The following PODXL variants were observed in gnomAD, a reference collection of about 807,000 sequenced individuals.
The protein encoded by PODXL is podocalyxin.
PODXL carries 20 observed loss-of-function variants against 48.9 expected under a neutral mutation model. The observed-to-expected ratio is 0.41, with a 90% confidence interval of 0.29 to 0.59. PODXL has a LOEUF of 0.59. Among genes scored for constraint, PODXL ranks in the 20% least tolerant of loss-of-function variants. The probability of loss-of-function intolerance (pLI) is 0.31; values close to 1 mark genes in which losing one functional copy is unlikely to be tolerated. For missense variants in PODXL, 606 were observed against 675.1 expected (o/e 0.90, Z 1.13); for synonymous variants, 295 against 287.4 (o/e 1.03, Z -0.27).
chr7:131,504,386 C>G lies in PODXL; in HGVS notation c.1602G>C (p.Leu534=), dbSNP rs773307419. ...CCAGAGGGACGATCCAGCTGTCCCC[C>G]AGCTCCCCGTTGAGGCTGACCACCT... ...EKKVVSLNGE[L]GDSWIVPLDN... The change falls in exon 9 of 9, where the codon CTG becomes CTC. Residue 534 remains leucine, a synonymous_variant. Transcript: ENST00000378555. The G allele has an allele frequency of 6.2e-7, 1 of 1,614,224 alleles. No individual in the cohort carries two copies. Among genetic ancestry groups the G allele is most frequent in the Non-Finnish European group, 8.5e-7 (1 of 1,180,044 alleles).
In PODXL at chr7:131,506,529, C is replaced by A. The variant is rs1221424568; in HGVS notation, c.1249+50G>T. 5.0e-6 allele frequency: 8 copies of A among 1,587,896 alleles called. No individual in the cohort carries two copies. The South Asian group carries it at 8.9e-5, about 18-fold the overall frequency. On this transcript the variant is annotated intron_variant, in intron 6 of 8. Coordinates refer to ENST00000378555, the MANE Select transcript of PODXL (RefSeq NM_001018111.3). ...TCCAATGTGGCTTCTGCATGCCCCC[C>A]ATTCCCACCCATGCAGGCCCCAGCC...
intron 1 of PODXL, among the ~76,000 whole-genome samples, chr7:131,553,277 C>A (rs1426169128): frequency 6.6e-6 from 1 of 152,200 alleles, no homozygotes; most frequent in Non-Finnish European, 1.5e-5. Flanking sequence ...GAAAACCCCA[C>A]CTCCTTCAGG....
In PODXL at chr7:131,508,391, G is replaced by C. The variant is rs1468150561; in HGVS notation, c.1101+560C>G. On this transcript the variant is annotated intron_variant, in intron 5 of 8. Transcript: ENST00000378555. ...AAATGTGAAGCCACAGACGATTAAA[G>C]CAGACAGACTACACCTCTCATTTTC... Among the ~76,000 whole-genome samples the C allele has an allele frequency of 3.9e-5, 6 of 152,210 alleles. No homozygotes were observed. In the South Asian group the frequency reaches 6.2e-4, roughly 16 times the overall value.
At chr7:131,552,394 G>T (rs1392246717) in intron 1 of PODXL, among the ~76,000 whole-genome samples, 1 of 152,220 alleles carries the variant, frequency 6.6e-6, no homozygotes, top group East Asian at 1.9e-4. Context: ...CTGCAAGGGG[G>T]GGAATTCTAA....
chr7:131,518,250 C>T (rs530671050), intron 1 of PODXL, among the ~76,000 whole-genome samples: 20 of 152,262 alleles, frequency 1.3e-4, no homozygotes, highest in African/African-American at 4.6e-4. Context: ...CCTATATCCT[C>T]GTGAAAATAC....
Position 131,506,644 on chromosome 7 carries a change from C to T in PODXL, c.1184G>A (p.Cys395Tyr). Residue 395 changes from cysteine to tyrosine, a missense_variant, in exon 6 of 9, where the codon TGC (cysteine) becomes TAC (tyrosine). Physicochemically the swap from Cys to Tyr is radical, Grantham distance 194 (BLOSUM62 -2). Coordinates refer to ENST00000378555, the MANE Select transcript of PODXL (RefSeq NM_001018111.3). ...KATFNPAQDK[C>Y]GIRLASVPGS... ...TGGAACAGATGCCAGCCGTATGCCG[C>T]ACTTATCTTGGGCCGGGTTGAAGGT... The T allele has an allele frequency of 6.2e-7, 1 of 1,614,182 alleles. No homozygotes were observed. Among genetic ancestry groups the T allele is most frequent in the East Asian group, 2.2e-5 (1 of 44,870 alleles).
intron 1 of PODXL, among the ~76,000 whole-genome samples, chr7:131,531,026 C>G (rs965780121): frequency 6.6e-6 from 1 of 152,096 alleles, no homozygotes; most frequent in Non-Finnish European, 1.5e-5. Flanking sequence ...CCATTGCACT[C>G]CAGTCTGGGC....
intron 1 of PODXL, among the ~76,000 whole-genome samples, chr7:131,522,150 T>G (rs1252289155): frequency 6.6e-6 from 1 of 151,780 alleles, no homozygotes; most frequent in Non-Finnish European, 1.5e-5. Flanking sequence ...AAGTGTGAAG[T>G]AAAAAATAAC....
rs1402576065 is a variant in PODXL at position 131,547,788 on chromosome 7, C to T, written c.100+8472G>A. 2.0e-5 allele frequency among the ~76,000 whole-genome samples: 3 copies of T among 152,338 alleles called. No homozygotes were observed. The East Asian group carries it at 5.8e-4, about 29-fold the overall frequency. Reference sequence around the variant, plus strand: ...GGTATGCACCCCAAGCCCTCAGTGGCCCCCAAGGCAGCTCCACGGAATACC... The same window carrying T: ...GGTATGCACCCCAAGCCCTCAGTGGTCCCCAAGGCAGCTCCACGGAATACC... On this transcript the variant is annotated intron_variant, in intron 1 of 8. Transcript: ENST00000378555.
Position 131,506,646 on chromosome 7 carries a change from C to T in PODXL, c.1182G>A (p.Lys394=), listed in dbSNP as rs536764592. 1 of 1,614,194 alleles carries T rather than the reference C, an allele frequency of 6.2e-7. No individual in the cohort carries two copies. Among genetic ancestry groups the T allele is most frequent in the Non-Finnish European group, 8.5e-7 (1 of 1,180,024 alleles). The change falls in exon 6 of 9, where the codon AAG becomes AAA. Residue 394 remains lysine, a synonymous_variant. Transcript: ENST00000378555. ...GAACAGATGCCAGCCGTATGCCGCA[C>T]TTATCTTGGGCCGGGTTGAAGGTGG... ...VKATFNPAQD[K]CGIRLASVPG...
intron 1 of PODXL, among the ~76,000 whole-genome samples, chr7:131,518,145 A>C (rs1222522609): frequency 6.6e-6 from 1 of 152,084 alleles, no homozygotes; most frequent in Non-Finnish European, 1.5e-5. Context: ...CCTATTTCTA[A>C]GTAGGGTCAC....
intron 1 of PODXL, among the ~76,000 whole-genome samples, chr7:131,552,932 G>A (rs746572797): frequency 6.6e-6 from 1 of 152,224 alleles, no homozygotes; most frequent in South Asian, 2.1e-4. Flanking sequence ...GACTACAGGC[G>A]TGTGCCACTA....
At chr7:131,512,346 A>C (rs1797927419) in intron 1 of PODXL, among the ~76,000 whole-genome samples, 1 of 152,204 alleles carries the variant, frequency 6.6e-6, no homozygotes, top group Non-Finnish European at 1.5e-5. Flanking sequence ...AAATCTGCTT[A>C]CTACACGGAG....
At chr7:131,554,473 A>G (rs1798714648) in intron 1 of PODXL, among the ~76,000 whole-genome samples, 1 of 152,234 alleles carries the variant, frequency 6.6e-6, no homozygotes, top group Admixed American at 6.5e-5. Context: ...TGTTTGCCAC[A>G]TACCAAACTT....
intron 1 of PODXL, among the ~76,000 whole-genome samples, chr7:131,534,357 G>A (rs532018349): frequency 1.1e-4 from 16 of 152,354 alleles, no homozygotes; most frequent in South Asian, 4.1e-4. Flanking sequence ...TTTCCTCACC[G>A]GCTCAGAGAT....
At chr7:131,536,729 T>C (rs1313127193) in intron 1 of PODXL, among the ~76,000 whole-genome samples, 1 of 152,224 alleles carries the variant, frequency 6.6e-6, no homozygotes, top group Non-Finnish European at 1.5e-5. Context: ...CGCTGCCCCA[T>C]GCTCACAGTA....
intron 1 of PODXL, among the ~76,000 whole-genome samples, chr7:131,550,688 T>TTCCC (rs1798654548): frequency 6.6e-6 from 1 of 152,150 alleles, no homozygotes; most frequent in South Asian, 2.1e-4. Flanking sequence ...TGGTGAGTTT[T>TTCCC]TCCAATTCCC....
At chr7:131,513,743 C>T (rs1009456525) in intron 1 of PODXL, among the ~76,000 whole-genome samples, 5 of 152,198 alleles carry the variant, frequency 3.3e-5, no homozygotes, top group African/African-American at 4.8e-5. Context: ...GCAGCGCTGG[C>T]CTCCCTGAAT....
At chr7:131,525,770 C>A (rs1239983987) in intron 1 of PODXL, among the ~76,000 whole-genome samples, 1 of 151,962 alleles carries the variant, frequency 6.6e-6, no homozygotes, top group Non-Finnish European at 1.5e-5. Flanking sequence ...AATTTCAAAC[C>A]TACTTGACAT....
Sources: allele counts gnomAD v4.1 joint callset (sites outside exome capture counted in the v4.1 genomes callset), GRCh38; gene constraint gnomAD v4.1.1; transcripts MANE v1.5; gene names NCBI Gene and HGNC (gene_info 2026-07-23, HGNC 2026-07-21).